CDH4: variants seen among roughly 807,000 people sequenced by gnomAD.
The protein encoded by CDH4 is cadherin-4.
CDH4 carries 33 observed loss-of-function variants against 86.0 expected under a neutral mutation model. The observed-to-expected ratio is 0.38, with a 90% confidence interval of 0.29 to 0.51. The LOEUF is 0.51. Among genes scored for constraint, CDH4 ranks in the 20% least tolerant of loss-of-function variants. The probability of loss-of-function intolerance (pLI) is 0.86; values close to 1 mark genes in which losing one functional copy is unlikely to be tolerated. For missense variants in CDH4, 1,114 were observed against 1,307.4 expected, an observed-to-expected ratio of 0.85 and a Z score of 2.28; for synonymous variants, 555 against 549.4, an observed-to-expected ratio of 1.01 and a Z score of -0.14.
chr20:61,650,750 T>A (rs1357418512), intron 2 of CDH4, among the ~76,000 whole-genome samples: 2 of 152,244 alleles, frequency 1.3e-5, no homozygotes, highest in Non-Finnish European at 2.9e-5. Context: ...ATTACAGGTC[T>A]TTAGTGATGC....
intron 2 of CDH4, among the ~76,000 whole-genome samples, chr20:61,363,369 A>G (rs150417279): frequency 4.5e-4 from 68 of 152,242 alleles, no homozygotes; most frequent in African/African-American, 1.4e-3. Context: ...CCTTGTCCTT[A>G]TGGAGCGCCA....
intron 6 of CDH4, among the ~76,000 whole-genome samples, chr20:61,857,736 A>G (rs1983083707): frequency 6.6e-6 from 1 of 152,268 alleles, no homozygotes; most frequent in African/African-American, 2.4e-5. Flanking sequence ...AATAAGACAG[A>G]CAGATCCTGT....
At chr20:61,874,477 G>A (rs1181978014) in intron 7 of CDH4, among the ~76,000 whole-genome samples, 2 of 152,162 alleles carry the variant, frequency 1.3e-5, no homozygotes, top group Non-Finnish European at 2.9e-5. Flanking sequence ...TTGTGACAGA[G>A]GCCTCCCTCC....
chr20:61,415,012 G>A (rs940761954), intron 2 of CDH4, among the ~76,000 whole-genome samples: 4 of 152,356 alleles, frequency 2.6e-5, no homozygotes, highest in Non-Finnish European at 4.4e-5. Context: ...TCAACCAGCC[G>A]GAGGGAGGCT....
chr20:61,460,516 C>T (rs554875387), intron 2 of CDH4, among the ~76,000 whole-genome samples: 1 of 152,358 alleles, frequency 6.6e-6, no homozygotes, highest in South Asian at 2.1e-4. Flanking sequence ...CCGCTGGAAG[C>T]AGCCTCATTT....
chr20:61,466,581 T>C (rs1156638578), intron 2 of CDH4, among the ~76,000 whole-genome samples: 1 of 152,274 alleles, frequency 6.6e-6, no homozygotes, highest in East Asian at 1.9e-4. Context: ...CGGTGGTTCA[T>C]GCCTATAATC....
intron 2 of CDH4, among the ~76,000 whole-genome samples, chr20:61,327,349 T>C (rs1246219401): frequency 6.6e-6 from 1 of 152,136 alleles, no homozygotes; most frequent in Non-Finnish European, 1.5e-5. Context: ...TTGAAATCAA[T>C]AAGATAAACA....
intron 2 of CDH4, among the ~76,000 whole-genome samples, chr20:61,423,121 G>C (rs6061381): frequency 0.42 from 64,516 of 151,944 alleles, 14,031 homozygotes; most frequent in East Asian, 0.53. Context: ...GCAGGGCAGA[G>C]AGCTGGGGAG....
intron 2 of CDH4, among the ~76,000 whole-genome samples, chr20:61,537,455 G>A (rs544977287): frequency 7.2e-5 from 11 of 152,140 alleles, no homozygotes; most frequent in Non-Finnish European, 5.9e-5. Context: ...AGGCCAGCTC[G>A]GGAGGGCAGG....
intron 2 of CDH4, chr20:61,599,886 G>A (rs993501459): frequency 1.4e-5 from 14 of 985,332 alleles, no homozygotes; most frequent in Non-Finnish European, 1.7e-5. Flanking sequence ...CTTCTCAGCC[G>A]TGCACTCACA....
At chr20:61,936,012 AGCAGGTGCTG>A (rs1171470193) in intron 15 of CDH4, among the ~76,000 whole-genome samples, 2 of 152,044 alleles carry the variant, frequency 1.3e-5, no homozygotes, top group Non-Finnish European at 2.9e-5. Context: ...TCACAGGAGG[AGCAGGTGCTG>A]GCATGGAGGT....
At chr20:61,536,498 C>T (rs998485736) in intron 2 of CDH4, among the ~76,000 whole-genome samples, 9 of 152,102 alleles carry the variant, frequency 5.9e-5, no homozygotes, top group Admixed American at 2.0e-4. Flanking sequence ...AGAAAAGGCT[C>T]GTGGGCATTG....
chr20:61,665,745 A>G (rs929837120), intron 2 of CDH4, among the ~76,000 whole-genome samples: 13 of 152,178 alleles, frequency 8.5e-5, no homozygotes, highest in Non-Finnish European at 1.8e-4. Flanking sequence ...GGGTCACCTA[A>G]CATCGGATTT....
chr20:61,900,499 G>T (rs1985344320), intron 8 of CDH4, among the ~76,000 whole-genome samples: 3 of 152,190 alleles, frequency 2.0e-5, no homozygotes, highest in African/African-American at 7.2e-5. Context: ...GGCTGCAGAG[G>T]GGGCGCTTCT....
At chr20:61,813,278 G>A (rs949738344) in intron 4 of CDH4, among the ~76,000 whole-genome samples, 2 of 152,154 alleles carry the variant, frequency 1.3e-5, no homozygotes, top group African/African-American at 4.8e-5. Context: ...CCCACCCAGG[G>A]CCACACCCTC....
chr20:61,358,829 G>C (rs1351885092), intron 2 of CDH4, among the ~76,000 whole-genome samples: 1 of 152,192 alleles, frequency 6.6e-6, no homozygotes, highest in Non-Finnish European at 1.5e-5. Context: ...AGACCTGCAT[G>C]AGCCACGGAA....
intron 2 of CDH4, among the ~76,000 whole-genome samples, chr20:61,630,362 C>T (rs1163945029): frequency 6.6e-6 from 1 of 152,220 alleles, no homozygotes; most frequent in Non-Finnish European, 1.5e-5. Context: ...CCCCAGGATG[C>T]TCTTGACCAC....
chr20:61,425,061 G>A (rs1043397692), intron 2 of CDH4, among the ~76,000 whole-genome samples: 1 of 152,226 alleles, frequency 6.6e-6, no homozygotes, highest in Non-Finnish European at 1.5e-5. Flanking sequence ...TCTGTGCCAG[G>A]CATAGGTGGA....
At chr20:61,355,140 T>G (rs1568811104) in intron 2 of CDH4, among the ~76,000 whole-genome samples, 1 of 152,164 alleles carries the variant, frequency 6.6e-6, no homozygotes, top group Non-Finnish European at 1.5e-5. Flanking sequence ...CGTTAAGTCC[T>G]TTAGCAAAGA....
Sources: allele counts gnomAD v4.1 joint callset (sites outside exome capture counted in the v4.1 genomes callset), GRCh38; gene constraint gnomAD v4.1.1; transcripts MANE v1.5; gene names NCBI Gene and HGNC (gene_info 2026-07-23, HGNC 2026-07-21).